Variants in RPSA2 observed in about 807,000 individuals in gnomAD.
RPSA2 encodes the protein ribosomal protein SA 2.
At chr19:23,780,663 A>ACAAAAC in the RPSA2 span, among the ~76,000 whole-genome samples, 3 of 151,622 alleles carry the variant, frequency 2.0e-5, no homozygotes, top group African/African-American at 7.3e-5. Flanking sequence ...ACAAAACAAA[A>ACAAAAC]AACAAAACTG....
chr19:23,778,747 G>A, the RPSA2 span, among the ~76,000 whole-genome samples: 1 of 152,174 alleles, frequency 6.6e-6, no homozygotes, highest in African/African-American at 2.4e-5. Flanking sequence ...TCTTCTTCTT[G>A]GGAACTGTCC....
chr19:23,811,263 C>T, the RPSA2 span, among the ~76,000 whole-genome samples: 3 of 152,048 alleles, frequency 2.0e-5, no homozygotes, highest in African/African-American at 7.2e-5. Context: ...GTGATCCACC[C>T]ACCTCAGACT....
At chr19:23,822,383 C>T in the RPSA2 span, among the ~76,000 whole-genome samples, 1 of 152,186 alleles carries the variant, frequency 6.6e-6, no homozygotes, top group Non-Finnish European at 1.5e-5. Context: ...TTTGACACTC[C>T]TTCGTGTTAA....
chr19:23,834,287 T>C, the RPSA2 span, among the ~76,000 whole-genome samples: 44 of 148,852 alleles, frequency 3.0e-4, 1 homozygote, highest in South Asian at 8.5e-3. Context: ...AAGTGAATAA[T>C]AATGAAGTTA....
the RPSA2 span, among the ~76,000 whole-genome samples, chr19:23,839,217 A>T: frequency 2.8e-3 from 432 of 152,324 alleles, 2 homozygotes; most frequent in Non-Finnish European, 3.0e-3. Flanking sequence ...GGAGCAGATT[A>T]TTTAATTTCC....
chr19:23,768,987 T>A, the RPSA2 span, among the ~76,000 whole-genome samples: 1 of 152,198 alleles, frequency 6.6e-6, no homozygotes, highest in Non-Finnish European at 1.5e-5. Context: ...GATGTAACTC[T>A]CCTCTTCAGC....
chr19:23,798,486 A>G, the RPSA2 span, among the ~76,000 whole-genome samples: 1 of 152,176 alleles, frequency 6.6e-6, no homozygotes, highest in Admixed American at 6.5e-5. Flanking sequence ...TATTTTCTAC[A>G]ATAGTATGAA....
chr19:23,804,040 C>T, the RPSA2 span, among the ~76,000 whole-genome samples: 1 of 152,126 alleles, frequency 6.6e-6, no homozygotes, highest in African/African-American at 2.4e-5. Flanking sequence ...TGGGTCATCA[C>T]AGTGCTCTGT....
chr19:23,773,025 G>A, the RPSA2 span, among the ~76,000 whole-genome samples: 1 of 151,942 alleles, frequency 6.6e-6, no homozygotes. Context: ...AGTTGAGATC[G>A]TGCCACTGCA....
At chr19:23,841,403 G>T in the RPSA2 span, among the ~76,000 whole-genome samples, 1 of 152,140 alleles carries the variant, frequency 6.6e-6, no homozygotes, top group Non-Finnish European at 1.5e-5. Flanking sequence ...GGCGGAGCTT[G>T]CAGTGAGCCA....
chr19:23,794,278 C>G, the RPSA2 span, among the ~76,000 whole-genome samples: 1 of 152,174 alleles, frequency 6.6e-6, no homozygotes, highest in African/African-American at 2.4e-5. Flanking sequence ...AATTACCACA[C>G]TGCTTTTTAC....
chr19:23,853,568 C>A, the RPSA2 span, among the ~76,000 whole-genome samples: 4 of 152,338 alleles, frequency 2.6e-5, no homozygotes, highest in East Asian at 7.7e-4. Context: ...ATAACGTAAA[C>A]CATCCCTGTC....
the RPSA2 span, among the ~76,000 whole-genome samples, chr19:23,765,990 G>T: frequency 6.6e-6 from 1 of 151,292 alleles, no homozygotes. Flanking sequence ...AAGACATAAG[G>T]TATTGAGCTG....
the RPSA2 span, among the ~76,000 whole-genome samples, chr19:23,856,782 A>C: frequency 1.0e-3 from 152 of 152,316 alleles, no homozygotes; most frequent in African/African-American, 3.2e-3. Flanking sequence ...CACCTGAGCC[A>C]CAAAACCAGC....
chr19:23,765,672 A>G, the RPSA2 span, among the ~76,000 whole-genome samples: 2 of 152,332 alleles, frequency 1.3e-5, no homozygotes, highest in Non-Finnish European at 1.5e-5. Flanking sequence ...ACTTATGGGT[A>G]GTAGGCTTAA....
At chr19:23,780,065 C>T in the RPSA2 span, among the ~76,000 whole-genome samples, 8 of 152,266 alleles carry the variant, frequency 5.3e-5, no homozygotes, top group South Asian at 1.5e-3. Flanking sequence ...ATAACTAATA[C>T]CTCTTACCGG....
At chr19:23,865,302 T>C in the RPSA2 span, among the ~76,000 whole-genome samples, 1 of 152,190 alleles carries the variant, frequency 6.6e-6, no homozygotes, top group Non-Finnish European at 1.5e-5. Context: ...ACAGTCTGGA[T>C]CTCAAGTTAA....
At chr19:23,803,482 T>G in the RPSA2 span, among the ~76,000 whole-genome samples, 1 of 152,178 alleles carries the variant, frequency 6.6e-6, no homozygotes, top group African/African-American at 2.4e-5. Context: ...AGTTGTTGAT[T>G]CACAAATCAC....
the RPSA2 span, chr19:23,826,968 G>T: frequency 5.1e-6 from 3 of 589,890 alleles, no homozygotes; most frequent in Non-Finnish European, 9.1e-6. Context: ...GGGATTACAG[G>T]TGTGAACCAC....
Sources: gnomAD v4.1 joint callset for allele counts (sites outside exome capture counted in the v4.1 genomes callset) on GRCh38, gnomAD v4.1.1 for gene constraint, MANE v1.5 for transcripts, NCBI Gene and HGNC (gene_info 2026-07-23, HGNC 2026-07-21) for gene names.